Variants in FBLN1 observed in about 807,000 individuals in gnomAD.
The protein encoded by FBLN1 is fibulin 1, also known as fibulin-1.
A neutral mutation model predicts 89.7 loss-of-function variants in FBLN1; 34 were observed. The observed-to-expected ratio is 0.38, with a 90% CI of 0.29 to 0.50. FBLN1 has a LOEUF of 0.50. Ranked by LOEUF, FBLN1 falls within the 20% of genes least tolerant of loss-of-function variation. FBLN1 has a pLI of 0.92. For missense variants in FBLN1, 777 were observed against 988.1 expected, an observed-to-expected ratio of 0.79 and a Z score of 2.86; for synonymous variants, 393 against 391.3, an observed-to-expected ratio of 1.00 and a Z score of -0.05.
In FBLN1 at chr22:45,561,470, C is replaced by T. The variant is rs1010191284; in HGVS notation, c.1697+10855C>T. ...AGAGTCACTAAACTTGCCTCATGAG[C>T]GATGAATCAGGAGTTTCAAATGCGT... On this transcript the variant is annotated intron_variant, in intron 14 of 16. Coordinates refer to ENST00000327858, the MANE Select transcript of FBLN1 (RefSeq NM_006486.3). This position sits in a 1 kb window ranked among gnomAD's most constrained non-coding sequence, Gnocchi z 4.7. Among the ~76,000 whole-genome samples, 6 of 152,204 alleles carry T rather than the reference C, an allele frequency of 3.9e-5. No individual in the cohort carries two copies. Among genetic ancestry groups the T allele is most frequent in the South Asian group, 4.1e-4 (2 of 4,832 alleles).
chr22:45,542,860 C>T (rs2088574827), intron 10 of FBLN1, among the ~76,000 whole-genome samples: 1 of 152,234 alleles, frequency 6.6e-6, no homozygotes, highest in African/African-American at 2.4e-5. Context: ...AGATGTGCTG[C>T]CGCAGAAGGA....
chr22:45,544,599 G>A (rs1326446854), intron 11 of FBLN1, among the ~76,000 whole-genome samples: 1 of 152,142 alleles, frequency 6.6e-6, no homozygotes, highest in Non-Finnish European at 1.5e-5. Flanking sequence ...GTCAGCGCCT[G>A]TAGTCAGGTT....
rs570526961 is a variant in FBLN1 at position 45,521,437 on chromosome 22, G to T, written c.185+2650G>T. Among the ~76,000 whole-genome samples, 5 of 152,302 alleles carry T rather than the reference G, an allele frequency of 3.3e-5. No homozygotes were observed. In the East Asian group the frequency reaches 9.7e-4, roughly 29 times the overall value. ...CATCCCAGTGGACACACAGGCCAGG[G>T]GCCACATACCTGTCCTAGGCTGCCT... On this transcript the variant is annotated intron_variant, in intron 2 of 16. Transcript: ENST00000327858.
At chr22:45,533,989 A>G (rs1252608095) in intron 7 of FBLN1, 91 bp downstream of exon 7, 1 of 1,563,912 alleles carries the variant, frequency 6.4e-7, no homozygotes, top group Non-Finnish European at 8.7e-7. Context: ...GGGCTCCCGC[A>G]GTCCTGCGCC....
chr22:45,588,147 G>A lies in FBLN1; in HGVS notation c.1972+11039G>A, dbSNP rs2089104439. ...AGAGCAGGGGAGGGGAGTGGGAGGC[G>A]GGGTGCAGCATGGCGGTACAGCTTT... On this transcript the variant is annotated intron_variant, in intron 16 of 16. Coordinates refer to ENST00000327858, the MANE Select transcript of FBLN1 (RefSeq NM_006486.3). The surrounding 1 kb of genome is among the most constrained non-coding windows in gnomAD (Gnocchi z 5.1). 6.6e-6 allele frequency among the ~76,000 whole-genome samples: 1 copy of A among 152,156 alleles called. No individual in the cohort carries two copies. The highest frequency in any genetic ancestry group is 1.5e-5 in the Non-Finnish European group (1 of 68,024).
At chr22:45,518,481 T>C (rs1347235415) in intron 1 of FBLN1, 1 of 629,948 alleles carries the variant, frequency 1.6e-6, no homozygotes, top group East Asian at 2.8e-5. Context: ...GTCTTTCTTC[T>C]AGGAAGGAGT....
intron 16 of FBLN1, among the ~76,000 whole-genome samples, chr22:45,586,890 G>C (rs1445397144): frequency 6.6e-6 from 1 of 152,146 alleles, no homozygotes; most frequent in East Asian, 1.9e-4. Context: ...CCACAGCACC[G>C]GGAGCCAGCA....
Position 45,546,969 on chromosome 22 carries a change from G to A in FBLN1, c.1322-116G>A, listed in dbSNP as rs774062032. On this transcript the variant is annotated intron_variant, in intron 11 of 16. Coordinates refer to ENST00000327858, the MANE Select transcript of FBLN1 (RefSeq NM_006486.3). ...CACCCCCCGGGACCTCTGTCTCTCC[G>A]AGTGTGTTAACCTGAGGGAGGTGGA... is the stretch of plus-strand genomic sequence containing the variant. The A allele has an allele frequency of 2.0e-4, 298 of 1,526,660 alleles. 1 individual carries two copies. In the Admixed American group the frequency reaches 4.0e-3, roughly 21 times the overall value. The allele number at this position is 1,526,660 out of a possible 1,614,324, so 94.6% of individuals were successfully genotyped here.
At position 45,577,095 on chromosome 22, in the gene FBLN1, C is replaced by T. The variant is rs776979511; in HGVS notation, c.1959C>T (p.Asp653=). Reference sequence around the variant, plus strand: ...TTGACATCATCAAGCGTTACATGGACGGCATGACCGTGGGTGAGTGGCTGG... The same window carrying T: ...TTGACATCATCAAGCGTTACATGGATGGCATGACCGTGGGTGAGTGGCTGG... ...DSFDIIKRYM[D]GMTVGVVRQV... is the part of the protein sequence containing the mutation. Residue 653 remains aspartate, a synonymous_variant, in exon 16 of 17, where the codon GAC becomes GAT. Transcript: ENST00000327858. The surrounding 1 kb of genome is among the most constrained non-coding windows in gnomAD (Gnocchi z 6.6). 55 of 1,613,964 alleles carry T rather than the reference C, an allele frequency of 3.4e-5. No individual in the cohort carries two copies. Among genetic ancestry groups the T allele is most frequent in the South Asian group, 2.7e-4 (25 of 91,088 alleles).
chr22:45,550,653 G>T lies in FBLN1; in HGVS notation c.1697+38G>T. ...GACCATGCCATCGTCGTCTGTCTGT[G>T]TTGGCCTTCCTGGTGACCCAGTTCC... On this transcript the variant is annotated intron_variant, in intron 14 of 16. Transcript: ENST00000327858. This position sits in a 1 kb window ranked among gnomAD's most constrained non-coding sequence, Gnocchi z 8.4. 6.2e-7 allele frequency: 1 copy of T among 1,613,914 alleles called. No individual in the cohort carries two copies. Among genetic ancestry groups the T allele is most frequent in the South Asian group, 1.1e-5 (1 of 91,084 alleles).
At chr22:45,598,858 G>C (rs927583254) in intron 16 of FBLN1, among the ~76,000 whole-genome samples, 2 of 152,252 alleles carry the variant, frequency 1.3e-5, no homozygotes, top group African/African-American at 4.8e-5. Context: ...GAGCACAGGG[G>C]CATGGCACCG....
rs116411740 is a variant in FBLN1, at chr22:45,537,831, G to A, written c.922+2494G>A. ...GGGTGGTTTTCGCTCAGCGCAGGGG[G>A]TGGTGAGCAGGGAAGCCATGGGCTC... is the stretch of plus-strand genomic sequence containing the variant. On this transcript the variant is annotated intron_variant, in intron 8 of 16. Transcript: ENST00000327858. The surrounding 1 kb of genome is among the most constrained non-coding windows in gnomAD (Gnocchi z 5.7). 0.037 allele frequency among the ~76,000 whole-genome samples: 5,571 copies of A among 152,256 alleles called. 117 individuals are homozygous for A. The highest frequency in any genetic ancestry group is 0.065 in the Middle Eastern group (19 of 294).
At chr22:45,573,624 T>C (rs1489274581) in intron 14 of FBLN1, among the ~76,000 whole-genome samples, 2 of 141,182 alleles carry the variant, frequency 1.4e-5, no homozygotes, top group African/African-American at 5.4e-5. Context: ...GAGGTTGCAG[T>C]GAGCTGAGAC....
chr22:45,550,694 T>C lies in FBLN1; in HGVS notation c.1697+79T>C. 6.2e-7 allele frequency: 1 copy of C among 1,604,176 alleles called. No homozygotes were observed. Among genetic ancestry groups the C allele is most frequent in the Non-Finnish European group, 8.5e-7 (1 of 1,172,016 alleles). Reference sequence around the variant, plus strand: ...ACCCAGTTCCCGGGTGGGTGGGTTATCAGGCTGTGACCTCGGTGTCCTCCC... The same window carrying C: ...ACCCAGTTCCCGGGTGGGTGGGTTACCAGGCTGTGACCTCGGTGTCCTCCC... On this transcript the variant is annotated intron_variant, in intron 14 of 16. Coordinates refer to ENST00000327858, the MANE Select transcript of FBLN1 (RefSeq NM_006486.3). The surrounding 1 kb of genome is among the most constrained non-coding windows in gnomAD (Gnocchi z 8.4).
At chr22:45,565,484 ACCT>A (rs1209461126) in intron 14 of FBLN1, 10 of 344,106 alleles carry the variant, frequency 2.9e-5, no homozygotes, top group African/African-American at 2.1e-4. Flanking sequence ...CTCAGAAGTC[ACCT>A]CCTCAGTGCA....
rs1013977264 is a variant in FBLN1, at chr22:45,545,233, A to G, written c.1321+1707A>G. Among the ~76,000 whole-genome samples the G allele has an allele frequency of 2.0e-5, 3 of 152,312 alleles. No homozygotes were observed. Among genetic ancestry groups the G allele is most frequent in the South Asian group, 4.1e-4 (2 of 4,822 alleles). On this transcript the variant is annotated intron_variant, in intron 11 of 16. Coordinates refer to ENST00000327858, the MANE Select transcript of FBLN1 (RefSeq NM_006486.3). The surrounding 1 kb of genome is among the most constrained non-coding windows in gnomAD (Gnocchi z 5.9). ...GTTGAGTCTCTCAGGCTTGTGTTCA[A>G]ACCTGACTTCTGCCATTTCCATGGC...
In FBLN1 at chr22:45,561,176, G is replaced by A. The variant is rs2088846945; in HGVS notation, c.1697+10561G>A. 6.6e-6 allele frequency among the ~76,000 whole-genome samples: 1 copy of A among 152,202 alleles called. No individual in the cohort carries two copies. The highest frequency in any genetic ancestry group is 2.1e-4 in the South Asian group (1 of 4,830). ...AACAGCAGACACCTGGCGAGGCTGT[G>A]CATGCATCTTTCATTGCAGGTCAGC... On this transcript the variant is annotated intron_variant, in intron 14 of 16. Coordinates refer to ENST00000327858, the MANE Select transcript of FBLN1 (RefSeq NM_006486.3). The surrounding 1 kb of genome is among the most constrained non-coding windows in gnomAD (Gnocchi z 4.7).
chr22:45,587,267 G>A (rs965209521), intron 16 of FBLN1, among the ~76,000 whole-genome samples: 4 of 149,602 alleles, frequency 2.7e-5, no homozygotes, highest in Non-Finnish European at 5.9e-5. Context: ...CCCGCTGCCC[G>A]GCCAGAGAGA....
intron 3 of FBLN1, among the ~76,000 whole-genome samples, chr22:45,526,457 A>G (rs1342981734): frequency 6.6e-6 from 1 of 152,226 alleles, no homozygotes; most frequent in East Asian, 1.9e-4. Context: ...CCCGGCCAGG[A>G]GGAACTTGGG....
Sources: allele counts gnomAD v4.1 joint callset (sites outside exome capture counted in the v4.1 genomes callset), GRCh38; gene constraint gnomAD v4.1.1; non-coding constraint Gnocchi (gnomAD v3.1); transcripts MANE v1.5; gene names NCBI Gene and HGNC (gene_info 2026-07-23, HGNC 2026-07-21).